FGF9: variants seen among roughly 807,000 people sequenced by gnomAD.
FGF9 encodes fibroblast growth factor 9 (glia-activating factor).
A neutral mutation model predicts 19.9 loss-of-function variants in FGF9; 3 were observed. That is an observed-to-expected ratio of 0.15 (90% CI 0.07 to 0.39). The LOEUF is 0.39. Ranked by LOEUF, FGF9 falls within the 10% of genes least tolerant of loss-of-function variation. FGF9 has a pLI of 1.00. For synonymous variants in FGF9, 107 were observed against 106.9 expected, an observed-to-expected ratio of 1.00 and a Z score of -0.01; for missense variants, 175 against 256.8, an observed-to-expected ratio of 0.68 and a Z score of 2.18.
intron 2 of FGF9, 21 bp downstream of exon 2, chr13:21,681,166 A>C: frequency 3.4e-6 from 5 of 1,467,002 alleles, no homozygotes; most frequent in Non-Finnish European, 4.8e-6. Context: ...GAGGGACTTC[A>C]TCCAGCTTTA....
At chr13:21,689,107 A>G (rs1191852691) in intron 2 of FGF9, among the ~76,000 whole-genome samples, 1 of 152,158 alleles carries the variant, frequency 6.6e-6, no homozygotes, top group African/African-American at 2.4e-5. Context: ...GAGTTTTCCT[A>G]AGAACAGGTG....
chr13:21,695,079 TGTGC>T (rs1460855254), intron 2 of FGF9, among the ~76,000 whole-genome samples: 56 of 144,778 alleles, frequency 3.9e-4, no homozygotes, highest in African/African-American at 1.5e-3. Flanking sequence ...CGTGTGTGTG[TGTGC>T]GTGTGTGTGT....
chr13:21,696,917 A>T (rs867097758), intron 2 of FGF9, among the ~76,000 whole-genome samples: 1 of 152,254 alleles, frequency 6.6e-6, no homozygotes, highest in Non-Finnish European at 1.5e-5. Context: ...TTAGATGAGT[A>T]ACACAGTCTT....
rs780816251 is a variant in FGF9, at chr13:21,671,907, C to G, written c.-6C>G. The G allele has an allele frequency of 1.2e-6, 2 of 1,614,144 alleles. No homozygotes were observed. Among genetic ancestry groups the G allele is most frequent in the South Asian group, 2.2e-5 (2 of 91,064 alleles). ...TATTCTTGTGCTCCAAAAGCCGAGTCCTCTGATGGCTCCCTTAGGTGAAGT... is the reference window on the plus strand; with the variant it reads ...TATTCTTGTGCTCCAAAAGCCGAGTGCTCTGATGGCTCCCTTAGGTGAAGT... On this transcript the variant is annotated 5_prime_UTR_variant, in exon 1 of 3. Coordinates refer to ENST00000382353, the MANE Select transcript of FGF9 (RefSeq NM_002010.3).
intron 1 of FGF9, among the ~76,000 whole-genome samples, chr13:21,673,035 G>C (rs1871806465): frequency 6.6e-6 from 1 of 152,200 alleles, no homozygotes; most frequent in South Asian, 2.1e-4. Flanking sequence ...CTCGAGGGCT[G>C]GTGGCTCTGC....
chr13:21,681,277 G>A lies in FGF9; in HGVS notation c.381+132G>A, dbSNP rs188118848. The A allele has an allele frequency of 8.6e-6, 6 of 694,576 alleles. No individual in the cohort carries two copies. In the African/African-American group the frequency reaches 8.9e-5, roughly 10 times the overall value. The allele number at this position is 694,576 out of a possible 1,614,324, so 43.0% of individuals were successfully genotyped here. On this transcript the variant is annotated intron_variant, in intron 2 of 2. Transcript: ENST00000382353. The stretch of plus-strand genomic sequence containing the variant: ...AGGCGAGTGTAAGTTTTTACTTTTT[G>A]AGGAAAGCCATTTTATTTTTATTAA...
chr13:21,701,577 C>A lies in FGF9; in HGVS notation c.*142C>A. On this transcript the variant is annotated 3_prime_UTR_variant, in exon 3 of 3. Coordinates refer to ENST00000382353, the MANE Select transcript of FGF9 (RefSeq NM_002010.3). ...TCGCATGCATAATGTATGATGGAGG[C>A]TTGGATGGGAATATGCTGATTTTGT... is the stretch of plus-strand genomic sequence containing the variant. The A allele has an allele frequency of 8.4e-7, 1 of 1,186,596 alleles. No individual in the cohort carries two copies. Among genetic ancestry groups the A allele is most frequent in the Non-Finnish European group, 1.2e-6 (1 of 810,622 alleles). The allele number at this position is 1,186,596 out of a possible 1,614,324, so 73.5% of individuals were successfully genotyped here.
intron 2 of FGF9, among the ~76,000 whole-genome samples, chr13:21,681,703 A>T (rs537056135): frequency 1.1e-4 from 17 of 152,198 alleles, no homozygotes; most frequent in Non-Finnish European, 2.1e-4. Context: ...TAAGGTCCTC[A>T]TGGGAGACAG....
chr13:21,701,817 T>A lies in FGF9; in HGVS notation c.*382T>A, dbSNP rs1003433144. The A allele has an allele frequency of 1.1e-5, 3 of 277,244 alleles. No individual in the cohort carries two copies. Among genetic ancestry groups the A allele is most frequent in the Non-Finnish European group, 1.4e-5 (2 of 142,020 alleles). 17.2% of individuals were successfully genotyped at this position (277,244 alleles called of 1,614,324 possible). On this transcript the variant is annotated 3_prime_UTR_variant, in exon 3 of 3. Coordinates refer to ENST00000382353, the MANE Select transcript of FGF9 (RefSeq NM_002010.3). ...GATGCATGCTGGAAAAAGACACGCT[T>A]TTCATTTCTGATCAGTTGTACTTCA... is the stretch of plus-strand genomic sequence containing the variant.
chr13:21,695,228 G>A (rs1391727009), intron 2 of FGF9, among the ~76,000 whole-genome samples: 5 of 152,098 alleles, frequency 3.3e-5, no homozygotes, highest in African/African-American at 4.8e-5. Context: ...TGTTTTAGGT[G>A]GAGGAGGAGT....
chr13:21,679,123 T>A (rs1871980432), intron 1 of FGF9, among the ~76,000 whole-genome samples: 1 of 152,258 alleles, frequency 6.6e-6, no homozygotes, highest in Non-Finnish European at 1.5e-5. Context: ...CTTTTGCATG[T>A]ATTCTCCATC....
intron 1 of FGF9, among the ~76,000 whole-genome samples, chr13:21,674,634 C>G (rs1424595622): frequency 6.6e-6 from 1 of 151,950 alleles, no homozygotes; most frequent in Non-Finnish European, 1.5e-5. Context: ...TGCAGCACGA[C>G]TGGGCCCTGG....
chr13:21,672,683 C>T lies in FGF9; in HGVS notation c.277+494C>T, dbSNP rs921586087. ...TATTAAGTGCATTGTTTATTCTCCC[C>T]TGTGAGGGTCTGAAAGCCCCATAGG... is the stretch of plus-strand genomic sequence containing the variant. On this transcript the variant is annotated intron_variant, in intron 1 of 2. Transcript: ENST00000382353. The surrounding 1 kb of genome is among the most constrained non-coding windows in gnomAD (Gnocchi z 4.2). Among the ~76,000 whole-genome samples the T allele has an allele frequency of 3.3e-5, 5 of 152,198 alleles. No homozygotes were observed. Among genetic ancestry groups the T allele is most frequent in the Non-Finnish European group, 5.9e-5 (4 of 68,002 alleles).
rs1346570038 is a variant in FGF9 at position 21,672,060 on chromosome 13, G to A, written c.148G>A (p.Ala50Thr). 2 of 1,614,098 alleles carry A rather than the reference G, an allele frequency of 1.2e-6. No individual in the cohort carries two copies. The highest frequency in any genetic ancestry group is 2.7e-5 in the African/African-American group (2 of 74,920). Residue 50 changes from alanine to threonine, a missense_variant, in exon 1 of 3, where the codon GCA becomes ACA. Ala to Thr is a moderately conservative substitution (Grantham distance 58). Transcript: ENST00000382353. The surrounding 1 kb of genome is among the most constrained non-coding windows in gnomAD (Gnocchi z 4.2). The stretch of plus-strand genomic sequence containing the variant: ...AGCAGGGGGGCTCCCCAGGGGACCC[G>A]CAGTCACGGACTTGGATCATTTAAA... ...SEAGGLPRGP[A>T]VTDLDHLKGI...
intron 1 of FGF9, among the ~76,000 whole-genome samples, chr13:21,675,229 G>T (rs1475165067): frequency 6.6e-6 from 1 of 152,088 alleles, no homozygotes; most frequent in Non-Finnish European, 1.5e-5. Flanking sequence ...TGTGCGCAGT[G>T]GGGGTGGGGA....
At chr13:21,690,187 T>C (rs1010667234) in intron 2 of FGF9, among the ~76,000 whole-genome samples, 1 of 152,086 alleles carries the variant, frequency 6.6e-6, no homozygotes, top group South Asian at 2.1e-4. Context: ...GCACACTCGC[T>C]CACACACTCA....
chr13:21,671,832 T>C lies in FGF9; in HGVS notation c.-81T>C, dbSNP rs1037354014. On this transcript the variant is annotated 5_prime_UTR_variant, in exon 1 of 3. Coordinates refer to ENST00000382353, the MANE Select transcript of FGF9 (RefSeq NM_002010.3). ...CTGCAACTGCAGTAAGGGAGGGGAG[T>C]TGGATATACCTCGCCTAATATCTCC... The C allele has an allele frequency of 2.6e-6, 4 of 1,519,158 alleles. No individual in the cohort carries two copies. In the African/African-American group the frequency reaches 5.5e-5, roughly 21 times the overall value. The allele number at this position is 1,519,158 out of a possible 1,614,324, so 94.1% of individuals were successfully genotyped here.
chr13:21,697,315 A>T (rs1872431529), intron 2 of FGF9, among the ~76,000 whole-genome samples: 1 of 151,912 alleles, frequency 6.6e-6, no homozygotes, highest in Non-Finnish European at 1.5e-5. Flanking sequence ...TGCCCAGCTA[A>T]TTTTTTGTTT....
chr13:21,698,758 G>A (rs1032836018), intron 2 of FGF9, among the ~76,000 whole-genome samples: 4 of 152,188 alleles, frequency 2.6e-5, no homozygotes, highest in African/African-American at 9.7e-5. Context: ...TTAAAATACA[G>A]TTTAATTCCG....
Sources: allele counts gnomAD v4.1 joint callset (sites outside exome capture counted in the v4.1 genomes callset), GRCh38; gene constraint gnomAD v4.1.1; non-coding constraint Gnocchi (gnomAD v3.1); transcripts MANE v1.5; gene names NCBI Gene and HGNC (gene_info 2026-07-23, HGNC 2026-07-21).